THSD7B: variants seen among roughly 807,000 people sequenced by gnomAD.
The protein encoded by THSD7B is thrombospondin type 1 domain containing 7B.
Under a neutral mutation model 213.6 loss-of-function variants are expected in THSD7B, and 138 were observed. That is an observed-to-expected ratio of 0.65 (90% confidence interval 0.56 to 0.74). The LOEUF (loss-of-function observed/expected upper bound fraction) is 0.74, where lower values mean the gene tolerates loss of function less well. THSD7B is among the 30% of genes least tolerant of loss of function. The probability of loss-of-function intolerance (pLI) is 0.00; values close to 1 mark genes in which losing one functional copy is unlikely to be tolerated. For synonymous variants in THSD7B, 742 were observed against 687.0 expected (o/e 1.08, Z -1.25); for missense variants, 1,931 against 1,991.5 (o/e 0.97, Z 0.58).
intron 1 of THSD7B, among the ~76,000 whole-genome samples, chr2:136,879,962 A>T (rs1184675964): frequency 6.6e-6 from 1 of 152,212 alleles, no homozygotes; most frequent in East Asian, 1.9e-4. Flanking sequence ...CCAGATTCAT[A>T]AAGCAAGCCC....
At chr2:136,817,680 C>G (rs536592014) in intron 1 of THSD7B, among the ~76,000 whole-genome samples, 1 of 151,816 alleles carries the variant, frequency 6.6e-6, no homozygotes, top group Non-Finnish European at 1.5e-5. Context: ...TGTAGATATG[C>G]GGCTCAAACA....
intron 1 of THSD7B, among the ~76,000 whole-genome samples, chr2:136,801,013 G>A (rs1682168776): frequency 6.6e-6 from 1 of 151,986 alleles, no homozygotes; most frequent in Non-Finnish European, 1.5e-5. Context: ...AGGTAGACCT[G>A]GAGTTTTTTT....
chr2:136,834,586 C>T (rs1682815212), intron 1 of THSD7B, among the ~76,000 whole-genome samples: 1 of 151,188 alleles, frequency 6.6e-6, no homozygotes, highest in Non-Finnish European at 1.5e-5. Context: ...GAGTTTTATG[C>T]TGGAAATGTC....
At chr2:136,812,777 T>C (rs1033499994) in intron 1 of THSD7B, among the ~76,000 whole-genome samples, 1 of 152,194 alleles carries the variant, frequency 6.6e-6, no homozygotes, top group Non-Finnish European at 1.5e-5. Context: ...ATGAACACTC[T>C]AGGCTGCTAG....
chr2:136,948,770 C>T (rs1386695731), intron 2 of THSD7B, among the ~76,000 whole-genome samples: 1 of 152,088 alleles, frequency 6.6e-6, no homozygotes, highest in East Asian at 1.9e-4. Flanking sequence ...TAATTCTCAC[C>T]ACAATTCTAA....
intron 1 of THSD7B, among the ~76,000 whole-genome samples, chr2:136,853,162 G>A (rs184613829): frequency 4.5e-4 from 68 of 152,038 alleles, no homozygotes; most frequent in African/African-American, 1.5e-3. Flanking sequence ...CCTCTGTTCA[G>A]GACATCAACC....
chr2:137,366,108 G>A (rs1352080793), intron 12 of THSD7B, among the ~76,000 whole-genome samples: 2 of 140,980 alleles, frequency 1.4e-5, no homozygotes, highest in Non-Finnish European at 3.3e-5. Context: ...GGATGAAGCT[G>A]GAAACCATCA....
chr2:137,610,988 TATAATA>T (rs1277675572), intron 17 of THSD7B, among the ~76,000 whole-genome samples: 5 of 143,564 alleles, frequency 3.5e-5, no homozygotes, highest in Non-Finnish European at 6.0e-5. Context: ...AAACTTAAAG[TATAATA>T]ATAATAATAA....
At chr2:137,647,691 T>G (rs1025037777) in intron 21 of THSD7B, among the ~76,000 whole-genome samples, 3 of 152,038 alleles carry the variant, frequency 2.0e-5, no homozygotes, top group Admixed American at 2.0e-4. Flanking sequence ...TTGTTGACAT[T>G]TAAGTGCCTC....
At chr2:136,983,100 G>A (rs1441717911) in intron 2 of THSD7B, among the ~76,000 whole-genome samples, 1 of 151,594 alleles carries the variant, frequency 6.6e-6, no homozygotes, top group Non-Finnish European at 1.5e-5. Flanking sequence ...CATTTCTAAT[G>A]TAAAAAGTAT....
Position 136,974,994 on chromosome 2 carries a change from T to G in THSD7B, c.140-81426T>G, listed in dbSNP as rs528603196. ...TATGTTTTTTGGCCACATAAATGTC[T>G]TATTTTGAGAAGTGTCTTTTCATGT... On this transcript the variant is annotated intron_variant, in intron 2 of 27. Coordinates refer to ENST00000409968, the MANE Select transcript of THSD7B (RefSeq NM_001316349.2). Among the ~76,000 whole-genome samples the G allele has an allele frequency of 3.3e-5, 5 of 152,272 alleles. No individual in the cohort carries two copies. The East Asian group carries it at 9.6e-4, about 29-fold the overall frequency.
intron 2 of THSD7B, among the ~76,000 whole-genome samples, chr2:136,909,370 A>G (rs1684221316): frequency 6.6e-6 from 1 of 152,206 alleles, no homozygotes; most frequent in African/African-American, 2.4e-5. Flanking sequence ...AGGGAGGAAT[A>G]GCAAGATAAC....
chr2:137,290,306 G>T (rs1683295839), intron 12 of THSD7B, among the ~76,000 whole-genome samples: 1 of 152,090 alleles, frequency 6.6e-6, no homozygotes, highest in East Asian at 1.9e-4. Context: ...AGCCAGGATG[G>T]TCTCGATCTC....
In THSD7B at chr2:136,916,335, A is replaced by T. The variant is rs1434312938; in HGVS notation, c.139+34018A>T. 2.0e-5 allele frequency among the ~76,000 whole-genome samples: 3 copies of T among 152,180 alleles called. No homozygotes were observed. The East Asian group carries it at 5.8e-4, about 29-fold the overall frequency. On this transcript the variant is annotated intron_variant, in intron 2 of 27. Transcript: ENST00000409968. Reference sequence around the variant, plus strand: ...TCAGATTGCTCCTTGTGGACTTGAAAGGACTTGGTGGCTTCATGAAGCAGA... The same window carrying T: ...TCAGATTGCTCCTTGTGGACTTGAATGGACTTGGTGGCTTCATGAAGCAGA...
chr2:137,066,419 C>A (rs1687383080), intron 3 of THSD7B, among the ~76,000 whole-genome samples: 1 of 151,976 alleles, frequency 6.6e-6, no homozygotes, highest in South Asian at 2.1e-4. Context: ...GTCTTGAACT[C>A]CTGACCTTAA....
intron 14 of THSD7B, among the ~76,000 whole-genome samples, chr2:137,432,983 A>C (rs1226053512): frequency 6.6e-6 from 1 of 152,248 alleles, no homozygotes; most frequent in African/African-American, 2.4e-5. Context: ...TCATTAACAT[A>C]GGACATATTT....
chr2:136,948,572 G>T (rs1022126265), intron 2 of THSD7B, among the ~76,000 whole-genome samples: 2 of 152,112 alleles, frequency 1.3e-5, no homozygotes, highest in African/African-American at 2.4e-5. Flanking sequence ...GTGACATTCG[G>T]GAAGTTTACT....
At chr2:137,208,514 T>C (rs1266698385) in intron 7 of THSD7B, among the ~76,000 whole-genome samples, 3 of 152,064 alleles carry the variant, frequency 2.0e-5, no homozygotes, top group African/African-American at 7.2e-5. Context: ...CATTCCAGCC[T>C]TTGTACAAGG....
At chr2:137,443,416 C>T (rs1246649891) in intron 14 of THSD7B, among the ~76,000 whole-genome samples, 1 of 152,090 alleles carries the variant, frequency 6.6e-6, no homozygotes, top group African/African-American at 2.4e-5. Flanking sequence ...ATAATATATT[C>T]ATGTTATCTC....
Sources: allele counts gnomAD v4.1 joint callset (sites outside exome capture counted in the v4.1 genomes callset), GRCh38; gene constraint gnomAD v4.1.1; transcripts MANE v1.5; gene names NCBI Gene and HGNC (gene_info 2026-07-23, HGNC 2026-07-21).